The following TAFA4 variants were observed in gnomAD, a reference collection of about 807,000 sequenced individuals.
The protein encoded by TAFA4 is chemokine-like protein TAFA-4.
TAFA4 carries 20 observed loss-of-function variants against 21.1 expected under a neutral mutation model. The observed-to-expected ratio is 0.95, with a 90% CI of 0.67 to 1.38. The LOEUF (loss-of-function observed/expected upper bound fraction) is 1.38, where lower values mean the gene tolerates loss of function less well. TAFA4 is among the 40% of genes most tolerant of loss of function. TAFA4 has a pLI of 0.00. For missense variants in TAFA4, 211 were observed against 180.9 expected, an observed-to-expected ratio of 1.17 and a Z score of -0.95; for synonymous variants, 71 against 67.4, an observed-to-expected ratio of 1.05 and a Z score of -0.26.
chr3:68,931,712 C>T (rs1575679609), intron 1 of TAFA4, among the ~76,000 whole-genome samples: 1 of 151,372 alleles, frequency 6.6e-6, no homozygotes, highest in Non-Finnish European at 1.5e-5. Flanking sequence ...CTGGAAGACG[C>T]CTCCCGAGCG....
chr3:68,829,705 A>C (rs1207321039), intron 3 of TAFA4, among the ~76,000 whole-genome samples: 1 of 152,186 alleles, frequency 6.6e-6, no homozygotes, highest in African/African-American at 2.4e-5. Flanking sequence ...GGCCTCAAAA[A>C]ATTAGTTAGG....
At chr3:68,895,173 T>C (rs1339079171) in intron 1 of TAFA4, among the ~76,000 whole-genome samples, 2 of 152,222 alleles carry the variant, frequency 1.3e-5, no homozygotes, top group Non-Finnish European at 2.9e-5. Flanking sequence ...AATTTTTGTA[T>C]TTTTAGCAGA....
intron 3 of TAFA4, among the ~76,000 whole-genome samples, chr3:68,770,003 G>C (rs564474306): frequency 1.3e-5 from 2 of 152,084 alleles, no homozygotes; most frequent in Non-Finnish European, 2.9e-5. Flanking sequence ...AACTGCCAGA[G>C]GTACCTTACT....
chr3:68,813,651 C>T (rs1703892904), intron 3 of TAFA4, among the ~76,000 whole-genome samples: 1 of 152,078 alleles, frequency 6.6e-6, no homozygotes, highest in African/African-American at 2.4e-5. Flanking sequence ...CAACAAAAGG[C>T]TCTGAAATTG....
Position 68,742,290 on chromosome 3 carries a change from T to C in TAFA4, c.287-3091A>G, listed in dbSNP as rs1360513023. Among the ~76,000 whole-genome samples, 3 of 152,092 alleles carry C rather than the reference T, an allele frequency of 2.0e-5. No homozygotes were observed. In the East Asian group the frequency reaches 5.8e-4, roughly 29 times the overall value. On this transcript the variant is annotated intron_variant, in intron 4 of 5. Coordinates refer to ENST00000295569, the MANE Select transcript of TAFA4 (RefSeq NM_182522.5). ...TTTCTATTCAATAGAGTACCAAAAG[T>C]CTTAGAGCAAGCAGGCAAGAAAAAA... is the stretch of plus-strand genomic sequence containing the variant.
At chr3:68,765,142 C>T (rs1009091299) in intron 3 of TAFA4, among the ~76,000 whole-genome samples, 1 of 152,028 alleles carries the variant, frequency 6.6e-6, no homozygotes, top group African/African-American at 2.4e-5. Flanking sequence ...TGTTTTAGTC[C>T]TTATAAGTCC....
intron 3 of TAFA4, among the ~76,000 whole-genome samples, chr3:68,872,932 T>G (rs996719213): frequency 6.6e-6 from 1 of 152,110 alleles, no homozygotes; most frequent in African/African-American, 2.4e-5. Flanking sequence ...TCCAAAGCAC[T>G]TGACGATTTT....
At chr3:68,807,231 C>T (rs1703720424) in intron 3 of TAFA4, among the ~76,000 whole-genome samples, 1 of 152,180 alleles carries the variant, frequency 6.6e-6, no homozygotes, top group African/African-American at 2.4e-5. Flanking sequence ...TGGGTTTATC[C>T]TCTTCCAGTG....
At chr3:68,910,725 T>C (rs181076585) in intron 1 of TAFA4, among the ~76,000 whole-genome samples, 3 of 152,332 alleles carry the variant, frequency 2.0e-5, no homozygotes, top group Admixed American at 6.5e-5. Flanking sequence ...GGCTAAGAAT[T>C]GTTCTGCAGG....
intron 1 of TAFA4, among the ~76,000 whole-genome samples, chr3:68,912,150 G>C (rs2089966420): frequency 6.6e-6 from 1 of 152,166 alleles, no homozygotes; most frequent in Non-Finnish European, 1.5e-5. Flanking sequence ...CCACGAAAGA[G>C]GAGCCCACTC....
intron 3 of TAFA4, among the ~76,000 whole-genome samples, chr3:68,862,130 G>A (rs1394372987): frequency 1.3e-5 from 2 of 151,916 alleles, no homozygotes; most frequent in African/African-American, 4.8e-5. Flanking sequence ...ATAGTTTTCT[G>A]ATGATGCCAC....
In TAFA4 at chr3:68,812,955, C is replaced by T. The variant is rs897358599; in HGVS notation, c.131-59937G>A. Among the ~76,000 whole-genome samples the T allele has an allele frequency of 1.1e-4, 17 of 152,088 alleles. No individual in the cohort carries two copies. The South Asian group carries it at 1.5e-3, about 13-fold the overall frequency. ...GTACTCCTCAGCAAATGTAAAAGAA[C>T]AGAAATTATAACAAACTGTCTCTCA... On this transcript the variant is annotated intron_variant, in intron 3 of 5. Transcript: ENST00000295569.
At chr3:68,855,596 T>C (rs1325629807) in intron 3 of TAFA4, among the ~76,000 whole-genome samples, 4 of 152,006 alleles carry the variant, frequency 2.6e-5, no homozygotes, top group African/African-American at 7.3e-5. Context: ...TAAGACAAAC[T>C]GATAAGTAGG....
At chr3:68,804,387 T>A (rs1022345404) in intron 3 of TAFA4, among the ~76,000 whole-genome samples, 1 of 152,138 alleles carries the variant, frequency 6.6e-6, no homozygotes, top group African/African-American at 2.4e-5. Flanking sequence ...AGGTAATTTA[T>A]AGATTCAATG....
intron 3 of TAFA4, among the ~76,000 whole-genome samples, chr3:68,799,946 T>G (rs1559525041): frequency 6.6e-6 from 1 of 152,014 alleles, no homozygotes; most frequent in Non-Finnish European, 1.5e-5. Context: ...CTCACAGAAG[T>G]GTGAATCCTA....
intron 3 of TAFA4, among the ~76,000 whole-genome samples, chr3:68,809,774 G>A (rs1464493535): frequency 6.6e-6 from 1 of 152,114 alleles, no homozygotes. Context: ...TCTGCATGTG[G>A]ATACCCAGTT....
chr3:68,821,061 C>T (rs1021191583), intron 3 of TAFA4, among the ~76,000 whole-genome samples: 3 of 152,332 alleles, frequency 2.0e-5, no homozygotes, highest in Non-Finnish European at 1.5e-5. Context: ...ATTTTAGTCA[C>T]TAATGTGCTG....
intron 4 of TAFA4, among the ~76,000 whole-genome samples, chr3:68,740,444 T>G (rs1032293971): frequency 5.9e-5 from 9 of 152,220 alleles, no homozygotes; most frequent in Admixed American, 5.9e-4. Context: ...TGGGAGGGCC[T>G]GGCATTCCTT....
chr3:68,847,361 C>G (rs1431174697), intron 3 of TAFA4, among the ~76,000 whole-genome samples: 6 of 152,216 alleles, frequency 3.9e-5, no homozygotes, highest in Admixed American at 3.9e-4. Context: ...GACGGATGCC[C>G]CTCCTGCCAC....
Sources: gnomAD v4.1 joint callset for allele counts (sites outside exome capture counted in the v4.1 genomes callset) on GRCh38, gnomAD v4.1.1 for gene constraint, MANE v1.5 for transcripts, NCBI Gene and HGNC (gene_info 2026-07-23, HGNC 2026-07-21) for gene names.